The following BPHL variants were observed in gnomAD, a reference collection of about 807,000 sequenced individuals.
BPHL encodes biphenyl hydrolase like.
In BPHL, 27 loss-of-function variants were observed where a neutral mutation model predicts 31.2. The ratio of observed to expected loss-of-function variants is 0.87; its 90% CI spans 0.64 to 1.19. The LOEUF (loss-of-function observed/expected upper bound fraction) is 1.19, where lower values mean the gene tolerates loss of function less well. BPHL is among the 50% of genes most tolerant of loss of function. The probability of loss-of-function intolerance (pLI) is 0.00; values close to 1 mark genes in which losing one functional copy is unlikely to be tolerated. For synonymous variants in BPHL, 150 were observed against 146.8 expected (o/e 1.02, Z -0.16); for missense variants, 356 against 375.7 (o/e 0.95, Z 0.43).
chr6:3,127,099 T>C, intron 2 of BPHL, 143 bp from the exon 3 acceptor site: 2 of 522,756 alleles, frequency 3.8e-6, no homozygotes, highest in Admixed American at 3.6e-5. Context: ...ATTAAGTCAT[T>C]GCAAGGCTGC....
rs1761793480 is a variant in BPHL at position 3,129,067 on chromosome 6, C to T, written c.401C>T (p.Ser134Phe). 2 of 1,614,254 alleles carry T rather than the reference C, an allele frequency of 1.2e-6. No homozygotes were observed. Among genetic ancestry groups the T allele is most frequent in the Non-Finnish European group, 1.7e-6 (2 of 1,180,048 alleles). Residue 134 changes from serine (S) to phenylalanine (F), a missense_variant, in exon 4 of 7, where the codon TCT (serine) becomes TTT (phenylalanine). Transcript: ENST00000380379. ...TAGGCGCTGAAGTTTAAGAAGGTTT[C>T]TCTGCTGGGGTGGAGTGATGGGGGC... is the stretch of plus-strand genomic sequence containing the variant. ...LMKALKFKKV[S>F]LLGWSDGGIT... is the part of the protein sequence containing the mutation.
intron 5 of BPHL, chr6:3,138,166 G>C (rs1762064344): frequency 2.5e-6 from 1 of 397,964 alleles, no homozygotes; most frequent in African/African-American, 2.2e-5. Flanking sequence ...CCACAGGCGT[G>C]CACCACCACA....
chr6:3,144,365 CCTT>C (rs1246383445), intron 6 of BPHL, among the ~76,000 whole-genome samples: 1 of 136,804 alleles, frequency 7.3e-6, no homozygotes, highest in Non-Finnish European at 1.6e-5. Context: ...CTGCACTTGG[CCTT>C]CTTCTTTTTT....
upstream of BPHL, chr6:3,118,638 C>T (rs1038907126): frequency 5.0e-6 from 4 of 793,526 alleles, no homozygotes; most frequent in Non-Finnish European, 6.8e-6. Context: ...GATGGAGAGG[C>T]GAGGTGGGCG....
intron 1 of BPHL, among the ~76,000 whole-genome samples, chr6:3,120,618 C>T (rs1002038984): frequency 6.6e-6 from 1 of 152,164 alleles, no homozygotes; most frequent in Admixed American, 6.5e-5. Context: ...CTACAACTGA[C>T]TTTTGTTCCA....
chr6:3,151,596 A>T (rs188507009), intron 6 of BPHL, among the ~76,000 whole-genome samples: 3 of 152,300 alleles, frequency 2.0e-5, no homozygotes, highest in African/African-American at 4.8e-5. Flanking sequence ...AAATTAGGGA[A>T]CATGATAACG....
At position 3,140,700 on chromosome 6, in the gene BPHL, A is replaced by G. The variant is rs190723668; in HGVS notation, c.788+191A>G. On this transcript the variant is annotated intron_variant, in intron 6 of 6. Coordinates refer to ENST00000380379, the MANE Select transcript of BPHL (RefSeq NM_004332.4). The surrounding 1 kb of genome is among the most constrained non-coding windows in gnomAD (Gnocchi z 5.2). Reference sequence around the variant, plus strand: ...AGAAGCCCTGAACTGTGGGTGACTGATAACCAGAAGGAAAGGCATGTTCAG... The same window carrying G: ...AGAAGCCCTGAACTGTGGGTGACTGGTAACCAGAAGGAAAGGCATGTTCAG... Among the ~76,000 whole-genome samples, 224 of 152,362 alleles carry G rather than the reference A, an allele frequency of 1.5e-3. 1 individual carries two copies. The highest frequency in any genetic ancestry group is 5.2e-3 in the African/African-American group (215 of 41,580).
chr6:3,119,150 T>C (rs1003662876), intron 1 of BPHL: 7 of 804,382 alleles, frequency 8.7e-6, no homozygotes, highest in South Asian at 6.4e-5. Flanking sequence ...CCCAGGGAGA[T>C]ACATTTGCCT....
rs371315267 is a variant in BPHL at position 3,121,130 on chromosome 6, T to C, written c.107+2283T>C. Reference sequence around the variant, plus strand: ...TAATTAGTAGGCACAATGGGAATATTTATATAATAGTACAATATATAAGAG... The same window carrying C: ...TAATTAGTAGGCACAATGGGAATATCTATATAATAGTACAATATATAAGAG... On this transcript the variant is annotated intron_variant, in intron 1 of 6. Coordinates refer to ENST00000380379, the MANE Select transcript of BPHL (RefSeq NM_004332.4). Among the ~76,000 whole-genome samples the C allele has an allele frequency of 1.9e-4, 29 of 152,266 alleles. No homozygotes were observed. The East Asian group carries it at 2.1e-3, about 11-fold the overall frequency.
chr6:3,127,246 T>G lies in BPHL; in HGVS notation c.216T>G (p.Ser72Arg), dbSNP rs1581464966. 6.5e-7 allele frequency: 1 copy of G among 1,541,826 alleles called. No individual in the cohort carries two copies. The highest frequency in any genetic ancestry group is 1.4e-5 in the African/African-American group (1 of 72,492). ...TAACCAAGTGGCTGTTTTTAGGAAG[T>G]GGAGAGACTGATTTTGGACCTCAGC... The part of the protein sequence containing the change: ...AVLLLPGMLG[S>R]GETDFGPQLK... The change falls in exon 3 of 7, where the codon AGT (serine) becomes AGG (arginine). Residue 72 changes from serine (S) to arginine (R), a missense_variant. Physicochemically the swap from Ser to Arg is moderately radical, Grantham distance 110. Transcript: ENST00000380379.
intron 4 of BPHL, among the ~76,000 whole-genome samples, chr6:3,133,318 C>A (rs1761925423): frequency 6.6e-6 from 1 of 152,168 alleles, no homozygotes; most frequent in Admixed American, 6.5e-5. Flanking sequence ...CCTCGTTGGT[C>A]CCGTCTGGGC....
At chr6:3,150,347 C>T (rs559753437) in intron 6 of BPHL, among the ~76,000 whole-genome samples, 9 of 151,782 alleles carry the variant, frequency 5.9e-5, no homozygotes, top group South Asian at 2.1e-4. Flanking sequence ...AAGGTAGCAT[C>T]GTGAGGCCAG....
intron 5 of BPHL, chr6:3,137,943 T>G: frequency 8.9e-6 from 11 of 1,235,286 alleles, no homozygotes; most frequent in African/African-American, 1.6e-5. Flanking sequence ...GGAATTAATA[T>G]GAGGAAGAAA....
intron 6 of BPHL, among the ~76,000 whole-genome samples, chr6:3,151,645 CATT>C (rs1304378912): frequency 2.6e-5 from 4 of 152,202 alleles, no homozygotes; most frequent in Non-Finnish European, 5.9e-5. Context: ...GTCTAATTAT[CATT>C]GTAGACAAAG....
intron 5 of BPHL, chr6:3,137,941 T>C (rs896421608): frequency 2.9e-5 from 36 of 1,228,470 alleles, no homozygotes; most frequent in Non-Finnish European, 3.3e-5. Context: ...ACGGAATTAA[T>C]ATGAGGAAGA....
intron 6 of BPHL, among the ~76,000 whole-genome samples, chr6:3,152,140 A>G (rs1762540472): frequency 6.6e-6 from 1 of 152,198 alleles, no homozygotes; most frequent in Non-Finnish European, 1.5e-5. Context: ...AATCAGCTTC[A>G]TTAAAATGGA....
rs1761466492 is a variant in BPHL, at chr6:3,118,818, C to T, written c.78C>T (p.Val26=). 3.2e-6 allele frequency: 4 copies of T among 1,243,894 alleles called. No individual in the cohort carries two copies. The highest frequency in any genetic ancestry group is 4.0e-6 in the Non-Finnish European group (4 of 991,296). 77.1% of individuals were successfully genotyped at this position (1,243,894 alleles called of 1,614,324 possible). ...CAGCGCTGAAGCCCGGGATCCACGT[C>T]CCACGGGCCGGACCCGCGGCCGCGT... The part of the protein sequence containing the change: ...LLSALKPGIH[V]PRAGPAAAFG... The change falls in exon 1 of 7, where the codon GTC becomes GTT. Residue 26 remains valine, a synonymous_variant. Coordinates refer to ENST00000380379, the MANE Select transcript of BPHL (RefSeq NM_004332.4).
rs1761485837 is a variant in BPHL at position 3,119,131 on chromosome 6, C to G, written c.107+284C>G. On this transcript the variant is annotated intron_variant, in intron 1 of 6. Coordinates refer to ENST00000380379, the MANE Select transcript of BPHL (RefSeq NM_004332.4). ...GAGTGCAGCCCCTTCAGTGTGCAGA[C>G]CAGAGAGACCCAGGGAGATACATTT... is the stretch of plus-strand genomic sequence containing the variant. Among the ~76,000 whole-genome samples the G allele has an allele frequency of 1.3e-5, 2 of 152,198 alleles. 1 individual carries two copies. The highest frequency in any genetic ancestry group is 6.3e-3 in the Middle Eastern group (2 of 316).
intron 6 of BPHL, among the ~76,000 whole-genome samples, chr6:3,144,213 G>C (rs1441164617): frequency 6.6e-6 from 1 of 151,638 alleles, no homozygotes; most frequent in Non-Finnish European, 1.5e-5. Context: ...GACTACAGGC[G>C]CCCACCACCA....
Sources: gnomAD v4.1 joint callset for allele counts (sites outside exome capture counted in the v4.1 genomes callset) on GRCh38, gnomAD v4.1.1 for gene constraint, Gnocchi (gnomAD v3.1) non-coding constraint, MANE v1.5 for transcripts, NCBI Gene and HGNC (gene_info 2026-07-23, HGNC 2026-07-21) for gene names.